The following BRD4 variants were observed in gnomAD, a reference collection of about 807,000 sequenced individuals.
BRD4 encodes the protein bromodomain containing 4, also known as bromodomain-containing protein 4.
BRD4 carries 16 observed loss-of-function variants against 142.1 expected under a neutral mutation model. The observed-to-expected ratio is 0.11, with a 90% CI of 0.08 to 0.17. The LOEUF (loss-of-function observed/expected upper bound fraction) is 0.17, where lower values mean the gene tolerates loss of function less well. Among genes scored for constraint, BRD4 ranks in the 10% least tolerant of loss-of-function variants. BRD4 has a pLI of 1.00. For synonymous variants in BRD4, 833 were observed against 707.5 expected (o/e 1.18, Z -2.82); for missense variants, 1,424 against 1,810.9 (o/e 0.79, Z 3.88).
chr19:15,311,727 G>C (rs537852856), intron 1 of BRD4, among the ~76,000 whole-genome samples: 1 of 151,610 alleles, frequency 6.6e-6, no homozygotes, highest in African/African-American at 2.4e-5. Flanking sequence ...ACTTGAACCC[G>C]GGAGGCAGAC....
intron 6 of BRD4, among the ~76,000 whole-genome samples, chr19:15,263,961 A>G (rs1426015228): frequency 6.6e-6 from 1 of 152,242 alleles, no homozygotes. Context: ...AACAAGTCTT[A>G]AAACTAAAAA....
At chr19:15,313,153 C>T (rs1378109095) in intron 1 of BRD4, among the ~76,000 whole-genome samples, 2 of 149,504 alleles carry the variant, frequency 1.3e-5, no homozygotes, top group Non-Finnish European at 3.0e-5. Context: ...GGGCGGATCA[C>T]GAGGTCAGGA....
intron 1 of BRD4, among the ~76,000 whole-genome samples, chr19:15,318,145 G>C (rs552753356): frequency 6.6e-6 from 1 of 152,170 alleles, no homozygotes; most frequent in South Asian, 2.1e-4. Context: ...AACTGCTTAA[G>C]TTACAAAAAT....
chr19:15,286,706 A>T (rs1246633256), intron 1 of BRD4, among the ~76,000 whole-genome samples: 1 of 152,244 alleles, frequency 6.6e-6, no homozygotes, highest in African/African-American at 2.4e-5. Context: ...TAAAACTTGC[A>T]GCTGAAAAAG....
intron 2 of BRD4, among the ~76,000 whole-genome samples, chr19:15,269,519 C>T (rs750188453): frequency 6.6e-6 from 1 of 152,102 alleles, no homozygotes; most frequent in African/African-American, 2.4e-5. Flanking sequence ...AACCCTTGAC[C>T]CTGGCACTCC....
chr19:15,286,449 C>A (rs1327868426), intron 1 of BRD4, among the ~76,000 whole-genome samples: 1 of 152,190 alleles, frequency 6.6e-6, no homozygotes. Context: ...AGTGAAACTC[C>A]ATACTTGCAC....
intron 2 of BRD4, among the ~76,000 whole-genome samples, chr19:15,269,483 T>C (rs1418353748): frequency 6.6e-6 from 1 of 152,214 alleles, no homozygotes; most frequent in Non-Finnish European, 1.5e-5. Flanking sequence ...CAAATTCCCC[T>C]GGCGCCAATG....
chr19:15,303,760 T>C (rs774881775), intron 1 of BRD4, among the ~76,000 whole-genome samples: 18 of 152,200 alleles, frequency 1.2e-4, no homozygotes, highest in Non-Finnish European at 2.6e-4. Context: ...CAACTTTAAC[T>C]GTAATGCGAT....
At chr19:15,252,090 A>G (rs2047353748) in intron 11 of BRD4, among the ~76,000 whole-genome samples, 2 of 152,194 alleles carry the variant, frequency 1.3e-5, no homozygotes, top group South Asian at 4.1e-4. Flanking sequence ...AAAAAATAAT[A>G]AAATCTCGGC....
chr19:15,253,874 C>A (rs2145564247), intron 11 of BRD4: 1 of 1,145,692 alleles, frequency 8.7e-7, no homozygotes, highest in Non-Finnish European at 1.2e-6. Flanking sequence ...CCATCCAGGG[C>A]TCCGCAGTGT....
At chr19:15,270,459 G>T (rs191595564) in intron 2 of BRD4, among the ~76,000 whole-genome samples, 11 of 152,288 alleles carry the variant, frequency 7.2e-5, no homozygotes, top group Admixed American at 2.0e-4. Context: ...TCTATGCTCT[G>T]ACCTCCTTTC....
At position 15,265,341 on chromosome 19, in the gene BRD4, C is replaced by G; in HGVS notation, c.849+13G>C. The G allele has an allele frequency of 6.7e-7, 1 of 1,494,924 alleles. No individual in the cohort carries two copies. The highest frequency in any genetic ancestry group is 8.9e-7 in the Non-Finnish European group (1 of 1,124,380). The allele number at this position is 1,494,924 out of a possible 1,614,324, so 92.6% of individuals were successfully genotyped here. On this transcript the variant is annotated intron_variant, in intron 5 of 19. Coordinates refer to ENST00000679869, the MANE Select transcript of BRD4 (RefSeq NM_001379291.1). ...CCCTGGTGAAGCAGCCCTCCAGAGT[C>G]CAGGAGACTCACCTTCACAGGCTGT...
intron 7 of BRD4, among the ~76,000 whole-genome samples, chr19:15,260,318 A>C (rs184024801): frequency 1.9e-3 from 291 of 152,364 alleles, no homozygotes; most frequent in Non-Finnish European, 3.2e-3. Context: ...CCAATTAAGC[A>C]GGTCCCAATA....
At chr19:15,320,266 T>A (rs1395134254) in intron 1 of BRD4, among the ~76,000 whole-genome samples, 2 of 152,178 alleles carry the variant, frequency 1.3e-5, no homozygotes, top group Non-Finnish European at 2.9e-5. Flanking sequence ...CAGTAGAACT[T>A]AACACTTGTT....
chr19:15,291,361 A>G (rs1267733420), intron 1 of BRD4, among the ~76,000 whole-genome samples: 1 of 152,224 alleles, frequency 6.6e-6, no homozygotes, highest in Admixed American at 6.5e-5. Context: ...GATTCAACAC[A>G]AAGACATCTG....
At position 15,264,683 on chromosome 19, in the gene BRD4, C is replaced by T. The variant is rs775880214; in HGVS notation, c.933G>A (p.Pro311=). Residue 311 remains proline, a synonymous_variant, in exon 6 of 20, where the codon CCG becomes CCA. Coordinates refer to ENST00000679869, the MANE Select transcript of BRD4 (RefSeq NM_001379291.1). ...GGCCCAGCTTGGTGGTCTTGGGCTCCGGGGGCAGCGAGGGTGGCTCGTGAA... is the reference window on the plus strand; with the variant it reads ...GGCCCAGCTTGGTGGTCTTGGGCTCTGGGGGCAGCGAGGGTGGCTCGTGAA... The part of the protein sequence containing the change: ...DPIHEPPSLP[P]EPKTTKLGQR... 3.0e-5 allele frequency: 49 copies of T among 1,613,466 alleles called. No individual in the cohort carries two copies. The East Asian group carries it at 3.6e-4, about 12-fold the overall frequency.
chr19:15,291,216 G>A (rs1322345696), intron 1 of BRD4, among the ~76,000 whole-genome samples: 1 of 152,292 alleles, frequency 6.6e-6, no homozygotes, highest in Middle Eastern at 3.4e-3. Context: ...TCAGCTCCTA[G>A]TTGAGGCTAG....
At chr19:15,257,272 G>C (rs1172895349) in intron 7 of BRD4, 99 bp from the exon 8 acceptor site, 23 of 1,156,966 alleles carry the variant, frequency 2.0e-5, no homozygotes, top group Non-Finnish European at 4.8e-6. Flanking sequence ...TCAACAGAAA[G>C]CAACCGAGGG....
At chr19:15,252,324 G>C (rs1046853624) in intron 11 of BRD4, among the ~76,000 whole-genome samples, 1 of 152,180 alleles carries the variant, frequency 6.6e-6, no homozygotes, top group East Asian at 1.9e-4. Flanking sequence ...TAGTTAATCA[G>C]GTCCCCTGAC....
Sources: allele counts gnomAD v4.1 joint callset (sites outside exome capture counted in the v4.1 genomes callset), GRCh38; gene constraint gnomAD v4.1.1; transcripts MANE v1.5; gene names NCBI Gene and HGNC (gene_info 2026-07-23, HGNC 2026-07-21).